PARP8: variants seen among roughly 807,000 people sequenced by gnomAD.
PARP8 encodes the protein protein mono-ADP-ribosyltransferase PARP8.
PARP8 carries 51 observed loss-of-function variants against 124.1 expected under a neutral mutation model. The observed-to-expected ratio is 0.41, with a 90% CI of 0.33 to 0.52. The LOEUF (loss-of-function observed/expected upper bound fraction) is 0.52. Ranked by LOEUF, PARP8 falls within the 20% of genes least tolerant of loss-of-function variation. The probability of loss-of-function intolerance (pLI) is 0.21; values close to 1 mark genes in which losing one functional copy is unlikely to be tolerated. For synonymous variants in PARP8, 391 were observed against 361.5 expected, an observed-to-expected ratio of 1.08 and a Z score of -0.93; for missense variants, 860 against 1,018.9, an observed-to-expected ratio of 0.84 and a Z score of 2.12.
At chr5:50,764,397 T>C (rs1288841335) in intron 7 of PARP8, among the ~76,000 whole-genome samples, 2 of 152,242 alleles carry the variant, frequency 1.3e-5, no homozygotes, top group African/African-American at 4.8e-5. Flanking sequence ...TGGTTGTAAC[T>C]TCTTCAATGG....
intron 1 of PARP8, chr5:50,667,756 C>T (rs1749504872): frequency 1.4e-6 from 1 of 725,606 alleles, no homozygotes; most frequent in East Asian, 2.7e-5. Context: ...CGCCTTTCGT[C>T]CATTTTGCTC....
Position 50,843,935 on chromosome 5 carries a change from G to A in PARP8, c.*1867G>A, listed in dbSNP as rs1489998946. On this transcript the variant is annotated 3_prime_UTR_variant, in exon 26 of 26. Coordinates refer to ENST00000281631, the MANE Select transcript of PARP8 (RefSeq NM_024615.4). ...GAGACGGGATCTTGGAACTCCACCTGTTTGACCACTAGGACCACTGAGGCA... is the reference window on the plus strand; with the variant it reads ...GAGACGGGATCTTGGAACTCCACCTATTTGACCACTAGGACCACTGAGGCA... The A allele has an allele frequency of 2.0e-5, 3 of 151,820 alleles. No homozygotes were observed. Among genetic ancestry groups the A allele is most frequent in the Non-Finnish European group, 2.9e-5 (2 of 67,832 alleles). The allele number at this position is 151,820 out of a possible 1,614,324, so 9.4% of individuals were successfully genotyped here.
intron 11 of PARP8, 120 bp downstream of exon 11, chr5:50,794,452 A>C (rs2149648073): frequency 1.7e-6 from 2 of 1,182,446 alleles, no homozygotes; most frequent in Non-Finnish European, 2.3e-6. Context: ...ACCTCTAAGA[A>C]AAGACTGAGT....
At chr5:50,791,110 G>A (rs1190145252) in intron 10 of PARP8, among the ~76,000 whole-genome samples, 2 of 151,966 alleles carry the variant, frequency 1.3e-5, no homozygotes, top group South Asian at 4.1e-4. Context: ...GTTATCAGTT[G>A]GTTTTCAGTA....
Position 50,842,072 on chromosome 5 carries a change from A to G in PARP8, c.*4A>G. 6.4e-7 allele frequency: 1 copy of G among 1,572,536 alleles called. No homozygotes were observed. The highest frequency in any genetic ancestry group is 8.7e-7 in the Non-Finnish European group (1 of 1,149,356). On this transcript the variant is annotated 3_prime_UTR_variant, in exon 26 of 26. Coordinates refer to ENST00000281631, the MANE Select transcript of PARP8 (RefSeq NM_024615.4). ...TAATCAAACTGCTACTGGTTAAAGG[A>G]CCACCATTTAATTAACATGATTCGA...
At chr5:50,744,848 T>A (rs1239296116) in intron 2 of PARP8, 1 of 685,704 alleles carries the variant, frequency 1.5e-6, no homozygotes, top group Non-Finnish European at 2.6e-6. Flanking sequence ...TTCTTTCACT[T>A]TCACTTATGC....
rs959402604 is a variant in PARP8 at position 50,675,841 on chromosome 5, T to TA, written c.146+7725dup. On this transcript the variant is annotated intron_variant, in intron 2 of 25. Transcript: ENST00000281631. ...GCTGCTTAAAAGAGTGATGTCACAT[T>TA]AAAAAAAAAGTCGCAGAAATAAGTC... Among the ~76,000 whole-genome samples, 20 of 151,256 alleles carry TA rather than the reference T, an allele frequency of 1.3e-4. 1 individual carries two copies. In the South Asian group the frequency reaches 1.7e-3, roughly 13 times the overall value.
chr5:50,700,831 T>C (rs902590671), intron 2 of PARP8, among the ~76,000 whole-genome samples: 9 of 152,144 alleles, frequency 5.9e-5, no homozygotes, highest in African/African-American at 1.9e-4. Context: ...TGTCTTTTTT[T>C]AATCTGGCAA....
At chr5:50,722,049 T>C (rs1317691010) in intron 2 of PARP8, among the ~76,000 whole-genome samples, 1 of 152,132 alleles carries the variant, frequency 6.6e-6, no homozygotes, top group African/African-American at 2.4e-5. Flanking sequence ...GTTCCCTTTT[T>C]TGTGTGTCCA....
intron 2 of PARP8, among the ~76,000 whole-genome samples, chr5:50,715,267 C>T (rs1189878060): frequency 2.0e-5 from 3 of 152,078 alleles, no homozygotes; most frequent in Non-Finnish European, 4.4e-5. Context: ...CCTTTCCATA[C>T]AGTAGAACAG....
intron 7 of PARP8, among the ~76,000 whole-genome samples, chr5:50,774,960 G>T (rs556163181): frequency 5.9e-4 from 86 of 146,556 alleles, no homozygotes; most frequent in African/African-American, 2.2e-3. Flanking sequence ...TTCCCAGACG[G>T]GGCGGCCGGC....
chr5:50,673,534 AG>A (rs1260870802), intron 2 of PARP8, among the ~76,000 whole-genome samples: 2 of 152,166 alleles, frequency 1.3e-5, no homozygotes, highest in Non-Finnish European at 2.9e-5. Flanking sequence ...GGAAAAACAG[AG>A]GCTTGGGTGA....
intron 2 of PARP8, among the ~76,000 whole-genome samples, chr5:50,691,581 C>A (rs1376327289): frequency 6.6e-6 from 1 of 152,122 alleles, no homozygotes; most frequent in Non-Finnish European, 1.5e-5. Flanking sequence ...CTCCATACAT[C>A]CGGAAATCTC....
chr5:50,744,807 C>A lies in PARP8; in HGVS notation c.147-5344C>A, dbSNP rs115847819. ...ACTTTTAAAAGGAATTCAGAACTTG[C>A]TCTAGATTTTGCTTTCTTCTCATGT... On this transcript the variant is annotated intron_variant, in intron 2 of 25. Transcript: ENST00000281631. 7.9e-4 allele frequency: 549 copies of A among 693,566 alleles called. 1 individual carries two copies. In the African/African-American group the frequency reaches 8.2e-3, roughly 10 times the overall value. 43.0% of individuals were successfully genotyped at this position (693,566 alleles called of 1,614,324 possible).
intron 6 of PARP8, 96 bp from the exon 7 acceptor site, chr5:50,763,052 A>G (rs1038209434): frequency 2.1e-5 from 17 of 825,276 alleles, no homozygotes; most frequent in South Asian, 1.5e-4. Flanking sequence ...AAAAATGCCC[A>G]TGGCAAAATG....
intron 17 of PARP8, among the ~76,000 whole-genome samples, chr5:50,824,565 A>G (rs1746129543): frequency 1.3e-5 from 2 of 151,318 alleles, no homozygotes; most frequent in Non-Finnish European, 3.0e-5. Context: ...TACAATATAC[A>G]TTTTGTGGTT....
At chr5:50,667,550 T>A (rs548895881) in intron 1 of PARP8, 1 of 696,900 alleles carries the variant, frequency 1.4e-6, no homozygotes, top group East Asian at 2.7e-5. Context: ...GTTTGCGCAA[T>A]GGGCTGAGCG....
rs776377158 is a variant in PARP8 at position 50,722,805 on chromosome 5, G to A, written c.147-27346G>A. 7.4e-4 allele frequency among the ~76,000 whole-genome samples: 112 copies of A among 152,092 alleles called. 1 individual carries two copies. Among genetic ancestry groups the A allele is most frequent in the Non-Finnish European group, 1.3e-3 (89 of 68,010 alleles). ...CCCAGCTCTCTCCTAACCCTGTAATGTGGTGCGAGTTGTATACTCACTAGG... is the reference window on the plus strand; with the variant it reads ...CCCAGCTCTCTCCTAACCCTGTAATATGGTGCGAGTTGTATACTCACTAGG... On this transcript the variant is annotated intron_variant, in intron 2 of 25. Coordinates refer to ENST00000281631, the MANE Select transcript of PARP8 (RefSeq NM_024615.4).
At position 50,666,794 on chromosome 5, in the gene PARP8, G is replaced by C; in HGVS notation, c.-302G>C. ...TTGGTCCGGGCGGGTGAGGGAGAAA[G>C]TGAGACTTGGTGTCATCACCATCCA... On this transcript the variant is annotated 5_prime_UTR_variant, in exon 1 of 26. Coordinates refer to ENST00000281631, the MANE Select transcript of PARP8 (RefSeq NM_024615.4). The C allele has an allele frequency of 9.4e-7, 1 of 1,065,100 alleles. No homozygotes were observed. The highest frequency in any genetic ancestry group is 2.0e-5 in the South Asian group (1 of 49,230). 66.0% of individuals were successfully genotyped at this position (1,065,100 alleles called of 1,614,324 possible).
Sources: gnomAD v4.1 joint callset for allele counts (sites outside exome capture counted in the v4.1 genomes callset) on GRCh38, gnomAD v4.1.1 for gene constraint, MANE v1.5 for transcripts, NCBI Gene and HGNC (gene_info 2026-07-23, HGNC 2026-07-21) for gene names.